Variants in CNTNAP5 observed in about 807,000 individuals in gnomAD.
CNTNAP5 encodes contactin-associated protein-like 5.
CNTNAP5 carries 72 observed loss-of-function variants against 150.2 expected under a neutral mutation model. That is an observed-to-expected ratio of 0.48 (90% confidence interval 0.40 to 0.58). The LOEUF (loss-of-function observed/expected upper bound fraction) is 0.58. CNTNAP5 is among the 20% of genes least tolerant of loss of function. The pLI is 0.00. For missense variants in CNTNAP5, 1,636 were observed against 1,626.2 expected, an observed-to-expected ratio of 1.01 and a Z score of -0.10; for synonymous variants, 672 against 619.8, an observed-to-expected ratio of 1.08 and a Z score of -1.25.
Position 124,907,050 on chromosome 2 carries a change from T to A in CNTNAP5, c.3655+3950T>A, listed in dbSNP as rs199954210. Among the ~76,000 whole-genome samples the A allele has an allele frequency of 2.0e-5, 3 of 152,190 alleles. No homozygotes were observed. In the East Asian group the frequency reaches 5.8e-4, roughly 29 times the overall value. On this transcript the variant is annotated intron_variant, in intron 22 of 23. Coordinates refer to ENST00000682447, the MANE Select transcript of CNTNAP5 (RefSeq NM_001367498.1). ...TCATTGGATGCCCGGCACTATATCA[T>A]AATACAGTGTGAGCAATGCTAAAGG...
At chr2:124,356,153 T>C (rs1211833238) in intron 3 of CNTNAP5, among the ~76,000 whole-genome samples, 1 of 152,140 alleles carries the variant, frequency 6.6e-6, no homozygotes, top group Non-Finnish European at 1.5e-5. Context: ...ACAAATCTTA[T>C]AAAAATATGA....
intron 1 of CNTNAP5, 129 bp from the exon 2 acceptor site, chr2:124,221,576 G>A: frequency 3.2e-6 from 2 of 622,630 alleles, no homozygotes; most frequent in Middle Eastern, 6.0e-4. Context: ...TGGAAACCGG[G>A]AGTACCTGAC....
At chr2:124,183,905 C>T (rs768853209) in intron 1 of CNTNAP5, among the ~76,000 whole-genome samples, 10 of 151,996 alleles carry the variant, frequency 6.6e-5, no homozygotes, top group South Asian at 4.2e-4. Flanking sequence ...AAAGTAATAG[C>T]GAAAACCGCG....
In CNTNAP5 at chr2:124,102,287, C is replaced by T. The variant is rs76165448; in HGVS notation, c.82+76555C>T. Among the ~76,000 whole-genome samples, 259 of 152,214 alleles carry T rather than the reference C, an allele frequency of 1.7e-3. 3 individuals carry two copies. In the East Asian group the frequency reaches 0.047, roughly 27 times the overall value. On this transcript the variant is annotated intron_variant, in intron 1 of 23. Transcript: ENST00000682447. Reference sequence around the variant, plus strand: ...AAAGAAAAGAGTAATAGTAAGTAAACCTCTAAATGAAATAAAGGAAGAAAC... The same window carrying T: ...AAAGAAAAGAGTAATAGTAAGTAAATCTCTAAATGAAATAAAGGAAGAAAC...
At chr2:124,383,807 A>G (rs1192697962) in intron 3 of CNTNAP5, among the ~76,000 whole-genome samples, 1 of 152,202 alleles carries the variant, frequency 6.6e-6, no homozygotes, top group Non-Finnish European at 1.5e-5. Context: ...TTTCACATGA[A>G]TATACTTTTT....
chr2:124,848,920 T>G (rs1683102535), intron 19 of CNTNAP5, among the ~76,000 whole-genome samples: 1 of 152,214 alleles, frequency 6.6e-6, no homozygotes, highest in Admixed American at 6.5e-5. Context: ...TGCAAATATT[T>G]TTTCCCATTC....
intron 3 of CNTNAP5, among the ~76,000 whole-genome samples, chr2:124,260,869 A>G (rs1464492585): frequency 6.6e-6 from 1 of 152,184 alleles, no homozygotes; most frequent in African/African-American, 2.4e-5. Flanking sequence ...AATACATGTC[A>G]TACTTATAGA....
At chr2:124,726,080 C>T (rs1171292509) in intron 13 of CNTNAP5, among the ~76,000 whole-genome samples, 1 of 151,940 alleles carries the variant, frequency 6.6e-6, no homozygotes, top group Non-Finnish European at 1.5e-5. Flanking sequence ...AATTTACATT[C>T]CCACCAAGAG....
intron 6 of CNTNAP5, among the ~76,000 whole-genome samples, chr2:124,465,705 G>A (rs141039067): frequency 3.3e-5 from 5 of 152,160 alleles, no homozygotes; most frequent in East Asian, 3.9e-4. Flanking sequence ...TGTGTTTCAC[G>A]TACCCCTTTA....
intron 19 of CNTNAP5, among the ~76,000 whole-genome samples, chr2:124,816,905 T>C (rs1472469141): frequency 6.6e-6 from 1 of 152,200 alleles, no homozygotes; most frequent in African/African-American, 2.4e-5. Flanking sequence ...ATGCGAATGA[T>C]ATCACATCAT....
chr2:124,120,996 A>T (rs904008688), intron 1 of CNTNAP5, among the ~76,000 whole-genome samples: 2 of 152,124 alleles, frequency 1.3e-5, no homozygotes, highest in African/African-American at 4.8e-5. Context: ...GGTGTTAACA[A>T]TAGTGCCATA....
At chr2:124,456,225 T>TA (rs1026917098) in intron 6 of CNTNAP5, among the ~76,000 whole-genome samples, 9 of 152,176 alleles carry the variant, frequency 5.9e-5, no homozygotes, top group Non-Finnish European at 1.2e-4. Flanking sequence ...AGTTTCTGGA[T>TA]AAAAAAATCA....
chr2:124,764,156 C>A lies in CNTNAP5; in HGVS notation c.2533+9C>A. The A allele has an allele frequency of 6.2e-7, 1 of 1,607,086 alleles. No homozygotes were observed. The highest frequency in any genetic ancestry group is 8.5e-7 in the Non-Finnish European group (1 of 1,174,636). On this transcript the variant is annotated intron_variant, in intron 16 of 23. Coordinates refer to ENST00000682447, the MANE Select transcript of CNTNAP5 (RefSeq NM_001367498.1). ...TCGACTCGAAATAAGCTGTAAGTGC[C>A]CTCAATTATGAATTTAATGTAACTG...
intron 1 of CNTNAP5, among the ~76,000 whole-genome samples, chr2:124,096,424 T>A (rs1003183694): frequency 1.3e-5 from 2 of 152,210 alleles, no homozygotes; most frequent in South Asian, 4.1e-4. Context: ...AGCTCCTTCT[T>A]GCCAATTTAA....
At chr2:124,341,088 A>G (rs951592749) in intron 3 of CNTNAP5, among the ~76,000 whole-genome samples, 1 of 151,702 alleles carries the variant, frequency 6.6e-6, no homozygotes, top group Non-Finnish European at 1.5e-5. Context: ...ACACACACAC[A>G]AAAAGAATCC....
At chr2:124,382,322 T>C (rs1690817139) in intron 3 of CNTNAP5, among the ~76,000 whole-genome samples, 2 of 152,114 alleles carry the variant, frequency 1.3e-5, no homozygotes, top group African/African-American at 4.8e-5. Context: ...GTTTCTGTTA[T>C]GTTCTAAAAA....
At chr2:124,074,469 C>T (rs566535055) in intron 1 of CNTNAP5, among the ~76,000 whole-genome samples, 8 of 152,096 alleles carry the variant, frequency 5.3e-5, no homozygotes, top group Admixed American at 1.3e-4. Flanking sequence ...AATATATACA[C>T]GTACTATGTA....
chr2:124,503,609 T>C (rs1220750999), intron 7 of CNTNAP5, among the ~76,000 whole-genome samples: 1 of 152,244 alleles, frequency 6.6e-6, no homozygotes, highest in African/African-American at 2.4e-5. Context: ...GTCACTGCAC[T>C]GTTTCTAAGT....
intron 19 of CNTNAP5, among the ~76,000 whole-genome samples, chr2:124,825,250 T>C (rs1476335872): frequency 6.6e-6 from 1 of 152,198 alleles, no homozygotes; most frequent in Non-Finnish European, 1.5e-5. Context: ...CAAATTTACT[T>C]TCTTAAAGTA....
Sources: allele counts gnomAD v4.1 joint callset (sites outside exome capture counted in the v4.1 genomes callset), GRCh38; gene constraint gnomAD v4.1.1; transcripts MANE v1.5; gene names NCBI Gene and HGNC (gene_info 2026-07-23, HGNC 2026-07-21).